Variants in TSPEAR observed in about 807,000 individuals in gnomAD.
TSPEAR encodes thrombospondin type laminin G domain and EAR repeats.
In TSPEAR, 69 loss-of-function variants were observed where a neutral mutation model predicts 71.6. The ratio of observed to expected loss-of-function variants is 0.96; its 90% CI spans 0.79 to 1.18. The LOEUF (loss-of-function observed/expected upper bound fraction) is 1.18, where lower values mean the gene tolerates loss of function less well. Among genes scored for constraint, TSPEAR ranks in the 50% most tolerant of loss-of-function variants. TSPEAR has a pLI of 0.00. For missense variants in TSPEAR, 971 were observed against 894.9 expected, an observed-to-expected ratio of 1.09 and a Z score of -1.09; for synonymous variants, 402 against 387.2, an observed-to-expected ratio of 1.04 and a Z score of -0.45.
intron 9 of TSPEAR, among the ~76,000 whole-genome samples, chr21:44,514,483 G>T (rs1310900153): frequency 6.6e-6 from 1 of 152,186 alleles, no homozygotes; most frequent in Non-Finnish European, 1.5e-5. Flanking sequence ...TTACTAACAT[G>T]GTGGCTGCTG....
intron 1 of TSPEAR, among the ~76,000 whole-genome samples, chr21:44,609,190 G>T (rs587710533): frequency 1.3e-5 from 2 of 152,280 alleles, no homozygotes; most frequent in East Asian, 3.9e-4. Flanking sequence ...AGGGAGGAGG[G>T]ACTAACAAAG....
intron 1 of TSPEAR, chr21:44,666,216 T>C (rs1906495999): frequency 7.7e-6 from 4 of 521,612 alleles, no homozygotes; most frequent in Non-Finnish European, 1.0e-5. Context: ...TTTATTTGGC[T>C]CTCATGGGGT....
At chr21:44,599,172 C>CTCTCTCTCTCT (rs1372930980) in intron 1 of TSPEAR, among the ~76,000 whole-genome samples, 231 of 145,980 alleles carry the variant, frequency 1.6e-3, no homozygotes, top group South Asian at 3.7e-3. Context: ...CTCTCTCTCT[C>CTCTCTCTCTCT]CTTCCATCCC....
At chr21:44,614,162 G>GC (rs1981914144) in intron 1 of TSPEAR, among the ~76,000 whole-genome samples, 1 of 152,122 alleles carries the variant, frequency 6.6e-6, no homozygotes, top group Non-Finnish European at 1.5e-5. Context: ...ACAGCATCAA[G>GC]CCCCCCGCCC....
Position 44,533,904 on chromosome 21 carries a change from G to A in TSPEAR, c.323C>T (p.Thr108Met), listed in dbSNP as rs369406038. 2.6e-5 allele frequency: 42 copies of A among 1,611,352 alleles called. No homozygotes were observed. The highest frequency in any genetic ancestry group is 8.9e-5 in the East Asian group (4 of 44,710). The change falls in exon 3 of 12, where the codon ACG becomes ATG. Residue 108 changes from threonine to methionine, a missense_variant. Thr to Met is a moderately conservative substitution (Grantham distance 81). Transcript: ENST00000323084. ...LPPKRNEYLL[T>M]VVAEESDLLL... ...CAGGTCGCTCTCCTCTGCCACCACCGTCAGCAGGTACTCGTTCCTCTGTGG... is the reference window on the plus strand; with the variant it reads ...CAGGTCGCTCTCCTCTGCCACCACCATCAGCAGGTACTCGTTCCTCTGTGG...
chr21:44,676,416 T>G (rs908310476), intron 1 of TSPEAR: 5 of 1,138,980 alleles, frequency 4.4e-6, no homozygotes, highest in African/African-American at 3.0e-5. Context: ...TGTACTTTAA[T>G]GCCTCCACTG....
Position 44,499,787 on chromosome 21 carries a change from C to T in TSPEAR, c.2006G>A (p.Arg669His), listed in dbSNP as rs184873531. ...TGCTGCCGGGCAGCCGCGGCCTCAG[C>T]GTGTCCTCAGCCGCAGGACCCTGGA... ...PLSRVLRLRT[R>H] Residue 669 changes from arginine (R) to histidine (H), a missense_variant, in exon 12 of 12, where the codon CGC becomes CAC. Transcript: ENST00000323084. 151 of 1,565,322 alleles carry T rather than the reference C, an allele frequency of 9.6e-5. No individual in the cohort carries two copies. The highest frequency in any genetic ancestry group is 3.1e-4 in the African/African-American group (23 of 73,370).
At chr21:44,571,747 G>A (rs367595654) in intron 1 of TSPEAR, among the ~76,000 whole-genome samples, 11 of 152,228 alleles carry the variant, frequency 7.2e-5, no homozygotes, top group African/African-American at 2.4e-4. Flanking sequence ...AAAATACATA[G>A]TGATCATATT....
At chr21:44,579,429 C>T (rs1978714027) in intron 1 of TSPEAR, 1 of 455,724 alleles carries the variant, frequency 2.2e-6, no homozygotes, top group Non-Finnish European at 4.0e-6. Flanking sequence ...ACCATGTATC[C>T]CCAGGAGCAC....
At chr21:44,550,517 GCCC>G (rs2053393230) in intron 2 of TSPEAR, 1 of 1,002,772 alleles carries the variant, frequency 1.0e-6, no homozygotes, top group African/African-American at 1.6e-5. Flanking sequence ...GGGCTCGCCC[GCCC>G]GGCGGGAGGT....
rs1569145415 is a variant in TSPEAR at position 44,499,694 on chromosome 21, G to C, written c.*89C>G. 1.4e-6 allele frequency: 2 copies of C among 1,388,816 alleles called. No homozygotes were observed. The highest frequency in any genetic ancestry group is 3.0e-5 in the African/African-American group (2 of 67,278). 86.0% of individuals were successfully genotyped at this position (1,388,816 alleles called of 1,614,324 possible). ...CCCAGGCCCGGGATGCCCTAGGCTG[G>C]GCCCACCTGGACGTCCAGGGTCAGT... On this transcript the variant is annotated 3_prime_UTR_variant, in exon 12 of 12. Coordinates refer to ENST00000323084, the MANE Select transcript of TSPEAR (RefSeq NM_144991.3).
chr21:44,613,015 C>T, intron 1 of TSPEAR: 1 of 1,299,178 alleles, frequency 7.7e-7, no homozygotes, highest in African/African-American at 1.5e-5. Context: ...GCTGAGGTGA[C>T]CTCTCCCTCC....
At chr21:44,685,308 T>C (rs1986805078) in intron 1 of TSPEAR, among the ~76,000 whole-genome samples, 1 of 152,116 alleles carries the variant, frequency 6.6e-6, no homozygotes, top group Non-Finnish European at 1.5e-5. Context: ...TAAAGCGCTG[T>C]GGCCAATCCA....
intron 1 of TSPEAR, among the ~76,000 whole-genome samples, chr21:44,650,815 T>G (rs1451392767): frequency 6.6e-6 from 1 of 152,174 alleles, no homozygotes; most frequent in East Asian, 1.9e-4. Flanking sequence ...CTGGGGCCTG[T>G]GACCTCCTAC....
At chr21:44,569,941 G>A (rs1169117396) in intron 1 of TSPEAR, among the ~76,000 whole-genome samples, 1 of 152,126 alleles carries the variant, frequency 6.6e-6, no homozygotes, top group Non-Finnish European at 1.5e-5. Flanking sequence ...TCCACATACT[G>A]TGGCGTTGCG....
At chr21:44,600,648 C>T in intron 1 of TSPEAR, 3 of 1,613,704 alleles carry the variant, frequency 1.9e-6, no homozygotes, top group African/African-American at 1.3e-5. Context: ...TGTCTGTCTG[C>T]TCCAGCGACC....
chr21:44,522,210 G>C, intron 8 of TSPEAR, 98 bp from the exon 9 acceptor site: 1 of 1,240,168 alleles, frequency 8.1e-7, no homozygotes, highest in South Asian at 1.3e-5. Flanking sequence ...CCTCCCCGAG[G>C]ACCGAAGACC....
At chr21:44,527,229 G>A (rs1275523630) in intron 7 of TSPEAR, 63 bp downstream of exon 7, 32 of 1,575,474 alleles carry the variant, frequency 2.0e-5, no homozygotes, top group Middle Eastern at 3.4e-4. Flanking sequence ...AGGGGGCCCC[G>A]CCTGTGGACT....
At chr21:44,583,459 C>T (rs1979137000) in intron 1 of TSPEAR, among the ~76,000 whole-genome samples, 1 of 152,208 alleles carries the variant, frequency 6.6e-6, no homozygotes, top group Non-Finnish European at 1.5e-5. Context: ...CCGCACTAAG[C>T]CGGTGTTGGC....
Sources: gnomAD v4.1 joint callset for allele counts (sites outside exome capture counted in the v4.1 genomes callset) on GRCh38, gnomAD v4.1.1 for gene constraint, MANE v1.5 for transcripts, NCBI Gene and HGNC (gene_info 2026-07-23, HGNC 2026-07-21) for gene names.